HAUS4: variants seen among roughly 807,000 people sequenced by gnomAD.
HAUS4 encodes HAUS augmin-like complex subunit 4.
In HAUS4, 34 loss-of-function variants were observed where a neutral mutation model predicts 50.6. The observed-to-expected ratio is 0.67, with a 90% CI of 0.51 to 0.90. HAUS4 has a LOEUF of 0.90. Among genes scored for constraint, HAUS4 ranks in the 40% least tolerant of loss-of-function variants. The pLI, the probability that HAUS4 is intolerant of heterozygous loss-of-function variation, is 0.00. For synonymous variants in HAUS4, 149 were observed against 161.4 expected (o/e 0.92, Z 0.58); for missense variants, 370 against 428.7 (o/e 0.86, Z 1.21).
At chr14:22,946,780 A>G in intron 9 of HAUS4, 72 bp from the exon 10 acceptor site, 1 of 1,013,290 alleles carries the variant, frequency 9.9e-7, no homozygotes, top group Non-Finnish European at 1.4e-6. Flanking sequence ...AAAATGAAAA[A>G]CTTTTTTTTT....
intron 5 of HAUS4, among the ~76,000 whole-genome samples, chr14:22,950,931 G>GCACT (rs1422392158): frequency 1.3e-5 from 2 of 152,192 alleles, no homozygotes; most frequent in African/African-American, 4.8e-5. Context: ...CAGTGCTATA[G>GCACT]AAGCTATCAT....
intron 2 of HAUS4, among the ~76,000 whole-genome samples, chr14:22,953,666 G>T (rs2044801983): frequency 6.6e-6 from 1 of 151,680 alleles, no homozygotes; most frequent in Non-Finnish European, 1.5e-5. Context: ...TGTCACCCAG[G>T]CTGGAGTGCA....
chr14:22,948,307 G>C, intron 6 of HAUS4: 1 of 310,580 alleles, frequency 3.2e-6, no homozygotes, highest in Non-Finnish European at 6.0e-6. Context: ...TAAAATATTA[G>C]TTAGGCATAC....
intron 1 of HAUS4, 140 bp downstream of exon 1, chr14:22,956,776 G>C (rs1168402374): frequency 1.3e-5 from 2 of 153,194 alleles, no homozygotes; most frequent in African/African-American, 4.8e-5. Flanking sequence ...ATGCAGAACG[G>C]GCTCTCCGGC....
Position 22,952,322 on chromosome 14 carries a change from C to T in HAUS4, c.330+6G>A. ...TGTTAGCCACCACGCCCAGCCTTTG[C>T]CTCACCTTTTTGTCCTCAGAAGTTA... On this transcript the variant is annotated splice_donor_region_variant and intron_variant, in intron 4 of 9. Transcript: ENST00000541587. The T allele has an allele frequency of 6.2e-7, 1 of 1,613,046 alleles. No homozygotes were observed. The highest frequency in any genetic ancestry group is 8.5e-7 in the Non-Finnish European group (1 of 1,179,374).
At position 22,952,592 on chromosome 14, in the gene HAUS4, CTG is replaced by C; in HGVS notation, c.145_146del (p.Gln49AlafsTer4). On this transcript the variant is annotated frameshift_variant, in exon 3 of 10. Transcript: ENST00000541587. LOFTEE classifies it high-confidence loss of function. Reference protein sequence around the residue: ...YFSKLLLNLSQHVDESGLSLT... With the variant: ...YFSKLLLNLSXHVDESGLSLT... ...GGCTTAAGCCACTCTCATCCACATG[CTG>C]TGAGAGATTCAGGAGAAGCTTGCTG... 6.2e-7 allele frequency: 1 copy of C among 1,614,012 alleles called. No individual in the cohort carries two copies. Among genetic ancestry groups the C allele is most frequent in the Non-Finnish European group, 8.5e-7 (1 of 1,179,926 alleles).
chr14:22,947,043 C>G (rs2008951), intron 9 of HAUS4, 128 bp downstream of exon 9: 368,461 of 701,500 alleles, frequency 0.53, 103,898 homozygotes, highest in East Asian at 0.8. Flanking sequence ...CTCGGCCTCC[C>G]AAAGTGCTGG....
In HAUS4 at chr14:22,947,855, T is replaced by C. The variant is rs961970965; in HGVS notation, c.708+13A>G. On this transcript the variant is annotated intron_variant, in intron 7 of 9. Coordinates refer to ENST00000541587, the MANE Select transcript of HAUS4 (RefSeq NM_001166269.2). ...AGGATAAAGGAAAGGGGCTGTCCCA[T>C]GCCCTGATAAACCTGGGAGTAAGCA... is the stretch of plus-strand genomic sequence containing the variant. The C allele has an allele frequency of 5.6e-6, 9 of 1,611,958 alleles. No individual in the cohort carries two copies. The highest frequency in any genetic ancestry group is 5.9e-6 in the Non-Finnish European group (7 of 1,178,918).
intron 6 of HAUS4, 95 bp from the exon 7 acceptor site, chr14:22,948,108 C>T: frequency 8.3e-7 from 1 of 1,204,518 alleles, no homozygotes; most frequent in Non-Finnish European, 1.1e-6. Flanking sequence ...TCTAGACCCA[C>T]AAATCCTGCC....
rs138918369 is a variant in HAUS4 at position 22,953,644 on chromosome 14, G to A, written c.56-961C>T. Among the ~76,000 whole-genome samples the A allele has an allele frequency of 3.2e-3, 456 of 144,552 alleles. 2 individuals are homozygous for A. Among genetic ancestry groups the A allele is most frequent in the Non-Finnish European group, 5.6e-3 (366 of 65,212 alleles). The allele number at this position is 144,552 out of a possible 152,430, so 94.8% of individuals were successfully genotyped here. ...TTGTTTTTTGTTTTTTTTTTGAGAC[G>A]GAGTCTCACTCTGTCACCCAGGCTG... On this transcript the variant is annotated intron_variant, in intron 2 of 9. Transcript: ENST00000541587.
intron 5 of HAUS4, among the ~76,000 whole-genome samples, chr14:22,950,917 C>CA (rs1266851591): frequency 1.3e-5 from 2 of 152,192 alleles, no homozygotes; most frequent in African/African-American, 4.8e-5. Flanking sequence ...AGATACTTTG[C>CA]TAACAGTGCT....
chr14:22,947,892 C>A lies in HAUS4; in HGVS notation c.684G>T (p.Glu228Asp). Reference protein sequence around the residue: ...SQQKEQMLLLEKKSAAYSQVL... With the variant: ...SQQKEQMLLLDKKSAAYSQVL... ...CCTGGGAGTAAGCAGCACTCTTCTT[C>A]TCCAGCAGCAACATCTGCTCCTTCT... The change falls in exon 7 of 10, where the codon GAG becomes GAT. Residue 228 changes from glutamate (E) to aspartate (D), a missense_variant. Coordinates refer to ENST00000541587, the MANE Select transcript of HAUS4 (RefSeq NM_001166269.2). 6.2e-7 allele frequency: 1 copy of A among 1,613,968 alleles called. No homozygotes were observed. The highest frequency in any genetic ancestry group is 1.1e-5 in the South Asian group (1 of 91,056).
intron 5 of HAUS4, among the ~76,000 whole-genome samples, chr14:22,950,990 C>T (rs1322202304): frequency 6.6e-6 from 1 of 152,094 alleles, no homozygotes; most frequent in Admixed American, 6.6e-5. Flanking sequence ...AAATATATTA[C>T]ATGAAAATAG....
At chr14:22,954,789 G>A (rs564200222) in intron 2 of HAUS4, 3 of 203,206 alleles carry the variant, frequency 1.5e-5, no homozygotes, top group Admixed American at 1.2e-4. Flanking sequence ...ACAGTGGCAC[G>A]ATCTCAGCTC....
intron 6 of HAUS4, among the ~76,000 whole-genome samples, chr14:22,949,913 G>C (rs911029623): frequency 6.6e-6 from 1 of 152,122 alleles, no homozygotes; most frequent in African/African-American, 2.4e-5. Context: ...CGGATCACCT[G>C]AGGTTGGGAG....
rs1202585339 is a variant in HAUS4 at position 22,953,808 on chromosome 14, T to C, written c.56-1125A>G. 4.0e-5 allele frequency among the ~76,000 whole-genome samples: 6 copies of C among 151,788 alleles called. No homozygotes were observed. The East Asian group carries it at 9.7e-4, about 24-fold the overall frequency. On this transcript the variant is annotated intron_variant, in intron 2 of 9. Coordinates refer to ENST00000541587, the MANE Select transcript of HAUS4 (RefSeq NM_001166269.2). ...GCTATTTTTTTTTTTTTTTTTGTAT[T>C]TTTAGTAGAGGCGGGGTTTCACCTT...
chr14:22,948,930 A>T (rs2044696676), intron 6 of HAUS4, among the ~76,000 whole-genome samples: 1 of 151,776 alleles, frequency 6.6e-6, no homozygotes. Flanking sequence ...CAAGGCGGGC[A>T]GATCACCTGA....
chr14:22,956,621 T>C (rs931770443), intron 1 of HAUS4: 1 of 152,268 alleles, frequency 6.6e-6, no homozygotes, highest in Non-Finnish European at 1.5e-5. Flanking sequence ...AAAACGCTGC[T>C]ACAGGGACCC....
At chr14:22,948,047 C>G (rs1407502841) in intron 6 of HAUS4, 34 bp from the exon 7 acceptor site, 1 of 1,562,578 alleles carries the variant, frequency 6.4e-7, no homozygotes, top group Non-Finnish European at 8.7e-7. Flanking sequence ...ACAGGAAAAC[C>G]CTAATCGCTA....
Sources: gnomAD v4.1 joint callset for allele counts (sites outside exome capture counted in the v4.1 genomes callset) on GRCh38, gnomAD v4.1.1 for gene constraint, MANE v1.5 for transcripts, NCBI Gene and HGNC (gene_info 2026-07-23, HGNC 2026-07-21) for gene names.